The following IARS2 variants were observed in gnomAD, a reference collection of about 807,000 sequenced individuals.
The protein encoded by IARS2 is isoleucyl-tRNA synthetase 2, mitochondrial, also known as isoleucine--tRNA ligase, mitochondrial.
In IARS2, 56 loss-of-function variants were observed where a neutral mutation model predicts 126.3. The ratio of observed to expected loss-of-function variants is 0.44; its 90% confidence interval spans 0.36 to 0.55. The LOEUF (loss-of-function observed/expected upper bound fraction) is 0.55, where lower values mean the gene tolerates loss of function less well. IARS2 is among the 20% of genes least tolerant of loss of function. IARS2 has a pLI of 0.00. For missense variants in IARS2, 1,127 were observed against 1,245.9 expected, an observed-to-expected ratio of 0.90 and a Z score of 1.44; for synonymous variants, 407 against 441.1, an observed-to-expected ratio of 0.92 and a Z score of 0.97.
intron 14 of IARS2, among the ~76,000 whole-genome samples, chr1:220,127,193 AT>A (rs1657171478): frequency 6.6e-6 from 1 of 152,172 alleles, no homozygotes. Context: ...TGACCCCATA[AT>A]TTTTCAGAAG....
intron 17 of IARS2, 23 bp from the exon 18 acceptor site, chr1:220,138,985 A>AT: frequency 6.3e-7 from 1 of 1,594,754 alleles, no homozygotes; most frequent in Non-Finnish European, 8.5e-7. Context: ...TTTTAACTGC[A>AT]TATTTTTTCT....
chr1:220,127,427 C>T (rs572025823), intron 14 of IARS2, among the ~76,000 whole-genome samples: 3 of 152,222 alleles, frequency 2.0e-5, no homozygotes, highest in East Asian at 3.9e-4. Flanking sequence ...AGACGTTGGG[C>T]AGGAATTAGA....
intron 16 of IARS2, 162 bp from the exon 17 acceptor site, chr1:220,137,756 G>A (rs1384298544): frequency 1.4e-6 from 1 of 702,138 alleles, no homozygotes. Context: ...TTTAGATACA[G>A]TCTAATTTGA....
At chr1:220,107,208 C>T (rs573892540) in intron 10 of IARS2, 57 bp downstream of exon 10, 2 of 1,051,146 alleles carry the variant, frequency 1.9e-6, no homozygotes, top group East Asian at 2.4e-5. Context: ...GTAGCAGTAA[C>T]CTTTGCTACC....
At chr1:220,138,127 C>T in intron 17 of IARS2, 84 bp downstream of exon 17, 1 of 1,386,434 alleles carries the variant, frequency 7.2e-7, no homozygotes, top group Non-Finnish European at 1.0e-6. Context: ...TTGTTTGGAA[C>T]TGAAAAAAAC....
At position 220,094,401 on chromosome 1, in the gene IARS2, A is replaced by G. The variant is rs759638242; in HGVS notation, c.185A>G (p.Asp62Gly). The G allele has an allele frequency of 6.2e-7, 1 of 1,612,022 alleles. No individual in the cohort carries two copies. Among genetic ancestry groups the G allele is most frequent in the Admixed American group, 1.7e-5 (1 of 59,992 alleles). ...QPNSNSGRYR[D>G]TVLLPQTSFP... ...AACTCGAATAGTGGCAGATACCGGG[A>G]CACGGTGCTGCTGCCGCAGACGAGC... The change falls in exon 1 of 23, where the codon GAC becomes GGC. Residue 62 changes from aspartate (D) to glycine (G), a missense_variant. By Grantham distance (94) the Asp-to-Gly change is moderately conservative. Transcript: ENST00000366922.
At chr1:220,136,540 A>G (rs565926345) in intron 15 of IARS2, among the ~76,000 whole-genome samples, 59 of 148,588 alleles carry the variant, frequency 4.0e-4, no homozygotes, top group African/African-American at 1.4e-3. Context: ...AGGCGTAGGT[A>G]GGAGAATCCC....
At chr1:220,100,722 C>A (rs1656554210) in intron 3 of IARS2, 73 bp downstream of exon 3, 2 of 1,170,788 alleles carry the variant, frequency 1.7e-6, no homozygotes, top group Admixed American at 2.7e-5. Context: ...CAGAACTTTA[C>A]CAAAGGAACC....
In IARS2 at chr1:220,136,953, A is replaced by T. The variant is rs1007641516; in HGVS notation, c.2049+42A>T. The T allele has an allele frequency of 2.3e-6, 3 of 1,289,202 alleles. No homozygotes were observed. The South Asian group carries it at 3.8e-5, about 16-fold the overall frequency. The allele number at this position is 1,289,202 out of a possible 1,614,324, so 79.9% of individuals were successfully genotyped here. A position where few individuals can be genotyped will look rare whatever the true frequency, so the allele number is the denominator to read the frequency against. Reference sequence around the variant, plus strand: ...AATGTATTTTATTTTCGTTTTAAGGATCTTAAATTGGCAGCCAAAGCCCTT... The same window carrying T: ...AATGTATTTTATTTTCGTTTTAAGGTTCTTAAATTGGCAGCCAAAGCCCTT... On this transcript the variant is annotated intron_variant, in intron 16 of 22. Coordinates refer to ENST00000366922, the MANE Select transcript of IARS2 (RefSeq NM_018060.4).
At position 220,105,973 on chromosome 1, in the gene IARS2, C is replaced by G. The variant is rs1385153331; in HGVS notation, c.1149C>G (p.Thr383=). The G allele has an allele frequency of 6.2e-7, 1 of 1,614,002 alleles. No individual in the cohort carries two copies. Among genetic ancestry groups the G allele is most frequent in the East Asian group, 2.2e-5 (1 of 44,872 alleles). ...ASPLLPANHV[T]MAKGTGLVHT... The stretch of plus-strand genomic sequence containing the variant: ...CTCTTTTACCTGCAAATCATGTGAC[C>G]ATGGCAAAAGGAACGGGATTGGTTC... The change falls in exon 9 of 23, where the codon ACC becomes ACG. Residue 383 remains threonine, a synonymous_variant. Transcript: ENST00000366922.
At chr1:220,114,182 TGAGGGGAGGG>T in intron 11 of IARS2, 122 bp from the exon 12 acceptor site, 1 of 707,018 alleles carries the variant, frequency 1.4e-6, no homozygotes, top group Non-Finnish European at 2.4e-6. Context: ...GTTGTTTTTT[TGAGGGGAGGG>T]TAAGGGAGGT....
chr1:220,117,262 G>C (rs1016027678), intron 12 of IARS2, among the ~76,000 whole-genome samples: 1 of 134,864 alleles, frequency 7.4e-6, no homozygotes, highest in East Asian at 2.3e-4. Flanking sequence ...CACGATCTCA[G>C]CTCACTGCAA....
intron 14 of IARS2, among the ~76,000 whole-genome samples, chr1:220,130,604 C>T (rs1257315787): frequency 6.6e-6 from 1 of 152,138 alleles, no homozygotes; most frequent in East Asian, 1.9e-4. Context: ...GTCGCCCAGG[C>T]TGGAGTGCAG....
chr1:220,106,735 C>G (rs545012783), intron 9 of IARS2, among the ~76,000 whole-genome samples: 1 of 150,722 alleles, frequency 6.6e-6, no homozygotes, highest in African/African-American at 2.4e-5. Flanking sequence ...AGGGTTCAAG[C>G]GATTCTCCTG....
chr1:220,103,396 G>A (rs1402341159), intron 7 of IARS2, 51 bp from the exon 8 acceptor site: 1 of 1,068,760 alleles, frequency 9.4e-7, no homozygotes, highest in African/African-American at 1.6e-5. Flanking sequence ...AATGATATCT[G>A]TGGCTTTTCT....
chr1:220,123,185 A>G (rs1006351476), intron 12 of IARS2, among the ~76,000 whole-genome samples: 6 of 151,952 alleles, frequency 3.9e-5, no homozygotes, highest in Non-Finnish European at 8.8e-5. Context: ...CAAACTATAT[A>G]AAATAGTAAT....
chr1:220,136,917 T>G lies in IARS2; in HGVS notation c.2049+6T>G, dbSNP rs1249535296. 2 of 1,538,358 alleles carry G rather than the reference T, an allele frequency of 1.3e-6. No homozygotes were observed. Among genetic ancestry groups the G allele is most frequent in the Non-Finnish European group, 1.8e-6 (2 of 1,114,940 alleles). Reference sequence around the variant, plus strand: ...TTGTCGTTAATGGAGGACAAGTAGGTGATTCTCTAAAATGTATTTTATTTT... The same window carrying G: ...TTGTCGTTAATGGAGGACAAGTAGGGGATTCTCTAAAATGTATTTTATTTT... On this transcript the variant is annotated splice_donor_region_variant and intron_variant, in intron 16 of 22. Coordinates refer to ENST00000366922, the MANE Select transcript of IARS2 (RefSeq NM_018060.4).
intron 3 of IARS2, 74 bp downstream of exon 3, chr1:220,100,723 C>A: frequency 8.6e-7 from 1 of 1,163,790 alleles, no homozygotes; most frequent in Non-Finnish European, 1.2e-6. Flanking sequence ...AGAACTTTAC[C>A]AAAGGAACCT....
intron 12 of IARS2, 38 bp from the exon 13 acceptor site, chr1:220,125,180 TTTGTTATTCATCACAATAG>T (rs1286902461): frequency 1.0e-6 from 1 of 970,910 alleles, no homozygotes; most frequent in Non-Finnish European, 1.5e-6. Context: ...TTTTAAAATG[TTTGTTATTCATCACAATAG>T]TTAATTGAAT....
Sources: gnomAD v4.1 joint callset for allele counts (sites outside exome capture counted in the v4.1 genomes callset) on GRCh38, gnomAD v4.1.1 for gene constraint, MANE v1.5 for transcripts, NCBI Gene and HGNC (gene_info 2026-07-23, HGNC 2026-07-21) for gene names.